SUSD5: variants seen among roughly 807,000 people sequenced by gnomAD.
SUSD5 encodes the protein sushi domain-containing protein 5.
Under a neutral mutation model 29.5 loss-of-function variants are expected in SUSD5, and 33 were observed. The observed-to-expected ratio is 1.12, with a 90% CI of 0.85 to 1.49. The LOEUF (loss-of-function observed/expected upper bound fraction) is 1.49. SUSD5 is among the 40% of genes most tolerant of loss of function. The probability of loss-of-function intolerance (pLI) is 0.00; values close to 1 mark genes in which losing one functional copy is unlikely to be tolerated. For missense variants in SUSD5, 776 were observed against 800.6 expected (o/e 0.97, Z 0.37); for synonymous variants, 308 against 325.3 (o/e 0.95, Z 0.57).
chr3:33,189,864 A>C (rs1235024904), intron 3 of SUSD5, among the ~76,000 whole-genome samples: 3 of 152,220 alleles, frequency 2.0e-5, no homozygotes, highest in Admixed American at 2.0e-4. Context: ...GAATTTCCCC[A>C]GTATTTAAAT....
At chr3:33,177,892 T>A (rs1305295706) in intron 3 of SUSD5, among the ~76,000 whole-genome samples, 4 of 152,234 alleles carry the variant, frequency 2.6e-5, no homozygotes, top group Non-Finnish European at 4.4e-5. Context: ...TTCTTTCAGA[T>A]TTTGTACATA....
At chr3:33,174,810 A>G in intron 4 of SUSD5, 76 bp downstream of exon 4, 2 of 1,545,124 alleles carry the variant, frequency 1.3e-6, no homozygotes, top group Non-Finnish European at 1.8e-6. Flanking sequence ...AGCCCACCGC[A>G]TGCAGCCAGC....
chr3:33,165,589 C>A (rs1398920303), intron 4 of SUSD5, among the ~76,000 whole-genome samples: 1 of 152,156 alleles, frequency 6.6e-6, no homozygotes, highest in Non-Finnish European at 1.5e-5. Context: ...TATTTGGCTG[C>A]TGAATGCCAA....
At chr3:33,208,021 G>T in intron 2 of SUSD5, 95 bp from the exon 3 acceptor site, 1 of 852,966 alleles carries the variant, frequency 1.2e-6, no homozygotes, top group Non-Finnish European at 1.9e-6. Flanking sequence ...AATCAGCAGA[G>T]ATTTTTCTGA....
Position 33,174,887 on chromosome 3 carries a change from T to A in SUSD5, c.597A>T (p.Lys199Asn), listed in dbSNP as rs757753242. Residue 199 changes from lysine to asparagine, a missense_variant and splice_region_variant, in exon 4 of 5, where the codon AAA becomes AAT. Lys to Asn is a moderately conservative substitution (Grantham distance 94). Transcript: ENST00000309558. ...EWYGLVQACG[K>N]DEAEAHIDYE... Reference sequence around the variant, plus strand: ...GTGGCCCATCCCTGGGCTGCTTACCTTTCCCACAGGCCTGCACCAGGCCGT... The same window carrying A: ...GTGGCCCATCCCTGGGCTGCTTACCATTCCCACAGGCCTGCACCAGGCCGT... 1 of 1,613,852 alleles carries A rather than the reference T, an allele frequency of 6.2e-7. No homozygotes were observed. The highest frequency in any genetic ancestry group is 1.1e-5 in the South Asian group (1 of 91,074).
intron 1 of SUSD5, among the ~76,000 whole-genome samples, chr3:33,217,709 T>G (rs1045748315): frequency 3.3e-5 from 5 of 151,962 alleles, no homozygotes; most frequent in African/African-American, 1.2e-4. Flanking sequence ...TTTTTCCCCA[T>G]GTCTTCTAGT....
rs540389524 is a variant in SUSD5, at chr3:33,214,252, A to G, written c.113-147T>C. 4.6e-5 allele frequency: 31 copies of G among 673,466 alleles called. No homozygotes were observed. In the East Asian group the frequency reaches 5.2e-4, roughly 11 times the overall value. The allele number at this position is 673,466 out of a possible 1,614,324, so 41.7% of individuals were successfully genotyped here. ...CAACTACCACATCCACATCCCTGGG[A>G]CCAGGTGATGATAATTACACTAGCA... On this transcript the variant is annotated intron_variant, in intron 1 of 4. Coordinates refer to ENST00000309558, the MANE Select transcript of SUSD5 (RefSeq NM_015551.2).
At chr3:33,210,580 T>C (rs1392606977) in intron 2 of SUSD5, among the ~76,000 whole-genome samples, 1 of 152,214 alleles carries the variant, frequency 6.6e-6, no homozygotes, top group Non-Finnish European at 1.5e-5. Flanking sequence ...CATAGAGATA[T>C]AGGGCAGATG....
rs868549210 is a variant in SUSD5, at chr3:33,179,295, C to T, written c.410-4221G>A. On this transcript the variant is annotated intron_variant, in intron 3 of 4. Coordinates refer to ENST00000309558, the MANE Select transcript of SUSD5 (RefSeq NM_015551.2). ...TTAAAAGCATAACCAATTGTTTAAT[C>T]AGTTTTATGTGACCTATGAGCCTTC... 2.0e-5 allele frequency among the ~76,000 whole-genome samples: 3 copies of T among 152,124 alleles called. No individual in the cohort carries two copies. The South Asian group carries it at 6.2e-4, about 32-fold the overall frequency.
intron 4 of SUSD5, among the ~76,000 whole-genome samples, chr3:33,173,396 G>T (rs1168674949): frequency 6.6e-6 from 1 of 152,212 alleles, no homozygotes; most frequent in African/African-American, 2.4e-5. Flanking sequence ...GTTCACATGG[G>T]AACCAAAGGA....
At chr3:33,155,104 C>T (rs1372519103) in intron 4 of SUSD5, among the ~76,000 whole-genome samples, 1 of 152,186 alleles carries the variant, frequency 6.6e-6, no homozygotes, top group East Asian at 1.9e-4. Context: ...AATGAAGATC[C>T]TCTGTTCATT....
intron 3 of SUSD5, among the ~76,000 whole-genome samples, chr3:33,180,060 G>A (rs190220503): frequency 1.5e-4 from 23 of 152,226 alleles, no homozygotes; most frequent in African/African-American, 5.3e-4. Flanking sequence ...GATACTAAAT[G>A]ACTATGTTAC....
At chr3:33,160,564 C>T (rs954105545) in intron 4 of SUSD5, among the ~76,000 whole-genome samples, 1 of 152,078 alleles carries the variant, frequency 6.6e-6, no homozygotes, top group Non-Finnish European at 1.5e-5. Context: ...TGTCCCCTTA[C>T]GGCCACCATT....
intron 3 of SUSD5, among the ~76,000 whole-genome samples, chr3:33,202,182 T>C (rs151093543): frequency 1.3e-5 from 2 of 152,250 alleles, no homozygotes; most frequent in African/African-American, 4.8e-5. Flanking sequence ...AGCAGGTCCA[T>C]GGTAATGAGC....
chr3:33,197,677 G>A (rs2032020872), intron 3 of SUSD5, among the ~76,000 whole-genome samples: 1 of 152,008 alleles, frequency 6.6e-6, no homozygotes, highest in Admixed American at 6.6e-5. Flanking sequence ...TCGCTCACTG[G>A]TAGTTTTACC....
chr3:33,183,898 T>C (rs1184631261), intron 3 of SUSD5, among the ~76,000 whole-genome samples: 1 of 150,728 alleles, frequency 6.6e-6, no homozygotes, highest in Non-Finnish European at 1.5e-5. Context: ...GGGTTTTTTT[T>C]CCTCTTAACA....
At chr3:33,175,857 G>A (rs945359257) in intron 3 of SUSD5, among the ~76,000 whole-genome samples, 8 of 152,016 alleles carry the variant, frequency 5.3e-5, no homozygotes, top group Admixed American at 6.6e-5. Context: ...ATCACCCAAA[G>A]TCCATAACTT....
intron 2 of SUSD5, among the ~76,000 whole-genome samples, chr3:33,209,651 C>A (rs768905873): frequency 7.0e-6 from 1 of 143,624 alleles, no homozygotes; most frequent in Non-Finnish European, 1.5e-5. Flanking sequence ...TCTCTTCTTT[C>A]TTTCTTTTCT....
intron 3 of SUSD5, among the ~76,000 whole-genome samples, chr3:33,187,216 C>T (rs867428638): frequency 1.3e-5 from 2 of 152,156 alleles, no homozygotes; most frequent in South Asian, 4.1e-4. Flanking sequence ...ATCTAAGGAA[C>T]ACAGGGAAAC....
Sources: gnomAD v4.1 joint callset for allele counts (sites outside exome capture counted in the v4.1 genomes callset) on GRCh38, gnomAD v4.1.1 for gene constraint, MANE v1.5 for transcripts, NCBI Gene and HGNC (gene_info 2026-07-23, HGNC 2026-07-21) for gene names.